Variants in MGAM2 observed in about 807,000 individuals in gnomAD.
MGAM2 encodes the protein maltase-glucoamylase 2 (putative), also known as probable maltase-glucoamylase 2.
MGAM2 carries 98 observed loss-of-function variants against 96.1 expected under a neutral mutation model. The ratio of observed to expected loss-of-function variants is 1.02; its 90% CI spans 0.87 to 1.21. MGAM2 has a LOEUF of 1.21. Ranked by LOEUF, MGAM2 falls within the 50% of genes most tolerant of loss-of-function variation. MGAM2 has a pLI of 0.00. For missense variants in MGAM2, 2,055 were observed against 1,182.4 expected (o/e 1.74, Z -10.82); for synonymous variants, 749 against 414.8 (o/e 1.81, Z -9.79).
At chr7:142,141,204 C>A in intron 12 of MGAM2, 85 bp downstream of exon 12, 1 of 649,480 alleles carries the variant, frequency 1.5e-6, no homozygotes. Flanking sequence ...AGGCAAGTTA[C>A]AATATTGTTA....
chr7:142,158,388 A>G (rs1385682265), intron 19 of MGAM2, 56 bp downstream of exon 19: 1 of 697,724 alleles, frequency 1.4e-6, no homozygotes, highest in South Asian at 1.5e-5. Context: ...TCATGGTTCT[A>G]TAGCTGGATA....
chr7:142,127,722 G>T (rs112309564), intron 3 of MGAM2, among the ~76,000 whole-genome samples: 1 of 152,096 alleles, frequency 6.6e-6, no homozygotes, highest in Non-Finnish European at 1.5e-5. Flanking sequence ...CTTGCCTGCC[G>T]CCATGTAAGA....
intron 46 of MGAM2, among the ~76,000 whole-genome samples, chr7:142,214,259 G>A (rs1741393255): frequency 6.6e-6 from 1 of 152,168 alleles, no homozygotes; most frequent in South Asian, 2.1e-4. Context: ...AGACAAGGAT[G>A]CCCTCTCTCA....
In MGAM2 at chr7:142,140,823, G is replaced by GACTA. The variant is rs1194301446; in HGVS notation, c.1109_1112dup (p.Tyr371Ter). ...TCAGGATGTCCAGTACTCTGACATAGACTACATGGATGGAAAGAAGGATTT... is the reference window on the plus strand; with the variant it reads ...TCAGGATGTCCAGTACTCTGACATAGACTAACTACATGGATGGAAAGAAGGATTT... On this transcript the variant is annotated stop_gained and frameshift_variant, in exon 11 of 48. Coordinates refer to ENST00000477922, the MANE Select transcript of MGAM2 (RefSeq NM_001293626.2). LOFTEE classifies it high-confidence loss of function. The GACTA allele has an allele frequency of 1.0e-5, 7 of 702,814 alleles. No individual in the cohort carries two copies. Among genetic ancestry groups the GACTA allele is most frequent in the Non-Finnish European group, 1.8e-5 (7 of 384,960 alleles). The allele number at this position is 702,814 out of a possible 1,614,324, so 43.5% of individuals were successfully genotyped here.
intron 7 of MGAM2, among the ~76,000 whole-genome samples, chr7:142,135,725 C>CACACACACAA: frequency 7.3e-6 from 1 of 137,772 alleles, no homozygotes; most frequent in Middle Eastern, 4.4e-3. Flanking sequence ...CTTAGAGTTA[C>CACACACACAA]ACACACACAC....
At chr7:142,133,301 T>C (rs1376486102) in intron 6 of MGAM2, among the ~76,000 whole-genome samples, 1 of 146,926 alleles carries the variant, frequency 6.8e-6, no homozygotes, top group South Asian at 2.1e-4. Flanking sequence ...ATATATAGTA[T>C]ATTTAATATG....
Position 142,131,548 on chromosome 7 carries a change from C to T in MGAM2, c.341C>T (p.Ser114Leu). Residue 114 changes from serine to leucine, a missense_variant, in exon 5 of 48, where the codon TCA becomes TTA. By Grantham distance (145) the Ser-to-Leu change is moderately radical. Transcript: ENST00000477922. ...ACTGCCCAGTTGAAAAGGTTGCCAT[C>T]ACCATCTCTGTTTGGAAATGATGTC... is the stretch of plus-strand genomic sequence containing the variant. ...GFTAQLKRLPSPSLFGNDVAT... is the reference protein window; with the variant it reads ...GFTAQLKRLPLPSLFGNDVAT... 1 of 703,020 alleles carries T rather than the reference C, an allele frequency of 1.4e-6. No homozygotes were observed. The highest frequency in any genetic ancestry group is 2.7e-5 in the East Asian group (1 of 37,296). 43.5% of individuals were successfully genotyped at this position (703,020 alleles called of 1,614,324 possible). A position where few individuals can be genotyped will look rare whatever the true frequency, so the allele number is the denominator to read the frequency against.
intron 24 of MGAM2, among the ~76,000 whole-genome samples, chr7:142,165,445 G>A (rs1011880974): frequency 5.9e-5 from 9 of 152,150 alleles, no homozygotes; most frequent in Non-Finnish European, 1.3e-4. Context: ...GTGGAGTAAC[G>A]CAAGGAGAAA....
chr7:142,186,491 G>C (rs1796703492), intron 35 of MGAM2, among the ~76,000 whole-genome samples: 1 of 152,194 alleles, frequency 6.6e-6, no homozygotes, highest in African/African-American at 2.4e-5. Flanking sequence ...GAGTGGGTGA[G>C]GCATGGAGTT....
At chr7:142,114,087 C>T (rs140104627) in intron 1 of MGAM2, among the ~76,000 whole-genome samples, 3,837 of 149,026 alleles carry the variant, frequency 0.026, 196 homozygotes, top group African/African-American at 0.091. Flanking sequence ...GCCGAGATCG[C>T]GCCACTGCAC....
At chr7:142,125,404 G>A (rs559527316) in intron 3 of MGAM2, among the ~76,000 whole-genome samples, 2 of 152,192 alleles carry the variant, frequency 1.3e-5, no homozygotes, top group East Asian at 3.9e-4. Flanking sequence ...GCTTTTTATA[G>A]AGGTCTGTGG....
Position 142,218,364 on chromosome 7 carries a change from A to T in MGAM2, c.5191A>T (p.Ile1731Phe), listed in dbSNP as rs2129107688. The T allele has an allele frequency of 1.5e-6, 1 of 682,758 alleles. No individual in the cohort carries two copies. The highest frequency in any genetic ancestry group is 2.7e-6 in the Non-Finnish European group (1 of 376,882). The allele number at this position is 682,758 out of a possible 1,614,324, so 42.3% of individuals were successfully genotyped here. ...TCTCTTTATAAATTCTTTATAGAAC[A>T]TCCTGCAAATCCAGACCATACACAA... ...FLANFIAAQN[I>F]LQIQTIHNKY... is the part of the protein sequence containing the mutation. Residue 1731 changes from isoleucine (I) to phenylalanine (F), a missense_variant, in exon 47 of 48, where the codon ATC becomes TTC. Ile to Phe is a conservative substitution (Grantham distance 21, BLOSUM62 0). Coordinates refer to ENST00000477922, the MANE Select transcript of MGAM2 (RefSeq NM_001293626.2).
At chr7:142,204,963 T>G (rs74525387) in intron 45 of MGAM2, among the ~76,000 whole-genome samples, 1 of 152,156 alleles carries the variant, frequency 6.6e-6, no homozygotes, top group Admixed American at 6.5e-5. Context: ...ACTGTATTTA[T>G]TAAATGCATT....
chr7:142,204,120 T>C (rs1585215574), intron 45 of MGAM2, among the ~76,000 whole-genome samples: 1 of 152,052 alleles, frequency 6.6e-6, no homozygotes, highest in East Asian at 1.9e-4. Context: ...CCTATCTAGC[T>C]CTATATAATT....
chr7:142,143,655 C>T (rs1422319534), intron 12 of MGAM2, 114 bp from the exon 13 acceptor site: 3 of 452,658 alleles, frequency 6.6e-6, no homozygotes, highest in Non-Finnish European at 1.2e-5. Flanking sequence ...GGTAGTCACA[C>T]ATTTTATTTC....
chr7:142,206,806 T>C (rs893222561), intron 45 of MGAM2, among the ~76,000 whole-genome samples: 36 of 152,244 alleles, frequency 2.4e-4, no homozygotes, highest in Admixed American at 2.2e-3. Context: ...GTAAGTGTCA[T>C]TTAAATGTTC....
intron 32 of MGAM2, among the ~76,000 whole-genome samples, chr7:142,179,447 G>C (rs926271753): frequency 1.3e-5 from 2 of 152,166 alleles, no homozygotes; most frequent in African/African-American, 4.8e-5. Flanking sequence ...TTCTCAAGAA[G>C]AATGCTTCCA....
At chr7:142,116,742 T>G in intron 1 of MGAM2, 132 bp from the exon 2 acceptor site, 1 of 634,494 alleles carries the variant, frequency 1.6e-6, no homozygotes, top group Non-Finnish European at 2.8e-6. Flanking sequence ...ATTCTTTAGA[T>G]TATGTAAAGA....
intron 46 of MGAM2, among the ~76,000 whole-genome samples, chr7:142,215,487 G>A (rs971031677): frequency 1.1e-4 from 17 of 151,856 alleles, no homozygotes; most frequent in African/African-American, 1.4e-4. Context: ...TTGGCTGAGC[G>A]TGGTGGCTCA....
Sources: allele counts gnomAD v4.1 joint callset (sites outside exome capture counted in the v4.1 genomes callset), GRCh38; gene constraint gnomAD v4.1.1; transcripts MANE v1.5; gene names NCBI Gene and HGNC (gene_info 2026-07-23, HGNC 2026-07-21).